Variants in EMC2 observed in about 807,000 individuals in gnomAD.
The protein encoded by EMC2 is TPR repeat protein 35.
Under a neutral mutation model 51.6 loss-of-function variants are expected in EMC2, and 37 were observed. That is an observed-to-expected ratio of 0.72 (90% CI 0.55 to 0.94). The LOEUF (loss-of-function observed/expected upper bound fraction) is 0.94, where lower values mean the gene tolerates loss of function less well. Ranked by LOEUF, EMC2 falls within the 40% of genes least tolerant of loss-of-function variation. The pLI is 0.00. For missense variants in EMC2, 359 were observed against 350.9 expected (o/e 1.02, Z -0.18); for synonymous variants, 131 against 112.4 (o/e 1.17, Z -1.04).
intron 9 of EMC2, among the ~76,000 whole-genome samples, chr8:108,477,619 A>C (rs1810969990): frequency 6.6e-6 from 1 of 152,086 alleles, no homozygotes; most frequent in African/African-American, 2.4e-5. Flanking sequence ...AAAATGAAAC[A>C]ATTTTTAAAA....
intron 5 of EMC2, among the ~76,000 whole-genome samples, chr8:108,467,535 G>A (rs1810755023): frequency 6.6e-6 from 1 of 151,522 alleles, no homozygotes. Flanking sequence ...TTGATTTGTG[G>A]CATTTGTATG....
intron 5 of EMC2, among the ~76,000 whole-genome samples, chr8:108,461,349 G>C (rs1474169802): frequency 6.6e-6 from 1 of 152,180 alleles, no homozygotes; most frequent in Non-Finnish European, 1.5e-5. Flanking sequence ...AGTGTGCATG[G>C]TAGTGAGAAC....
At chr8:108,476,554 A>G (rs1275462290) in intron 8 of EMC2, among the ~76,000 whole-genome samples, 1 of 151,908 alleles carries the variant, frequency 6.6e-6, no homozygotes, top group Non-Finnish European at 1.5e-5. Flanking sequence ...TGTTTTAGAA[A>G]CTACTCAGTC....
In EMC2 at chr8:108,444,656, T is replaced by C. The variant is rs548727836; in HGVS notation, c.40+958T>C. Among the ~76,000 whole-genome samples the C allele has an allele frequency of 3.3e-5, 5 of 152,366 alleles. No individual in the cohort carries two copies. In the South Asian group the frequency reaches 1.0e-3, roughly 32 times the overall value. On this transcript the variant is annotated intron_variant, in intron 1 of 10. Transcript: ENST00000220853. ...TCGTGAATAAATATATCAGTTATTA[T>C]AAAGTTGTAAATCCGTTACAAATAA...
chr8:108,467,375 G>A (rs1376115571), intron 5 of EMC2, among the ~76,000 whole-genome samples: 3 of 150,976 alleles, frequency 2.0e-5, no homozygotes, highest in African/African-American at 7.3e-5. Context: ...TTGAGACCGA[G>A]TCTCGCTCTG....
At chr8:108,460,774 A>G (rs1015770336) in intron 5 of EMC2, among the ~76,000 whole-genome samples, 5 of 152,228 alleles carry the variant, frequency 3.3e-5, no homozygotes, top group South Asian at 2.1e-4. Flanking sequence ...CCCTGTAGTA[A>G]CTAAATCCCT....
chr8:108,485,454 CATAT>C (rs924628934), intron 10 of EMC2, among the ~76,000 whole-genome samples: 2 of 142,632 alleles, frequency 1.4e-5, no homozygotes, highest in African/African-American at 2.6e-5. Flanking sequence ...AATATATATA[CATAT>C]ATATAATATA....
At chr8:108,483,645 T>C (rs1364618401) in intron 10 of EMC2, among the ~76,000 whole-genome samples, 1 of 152,232 alleles carries the variant, frequency 6.6e-6, no homozygotes, top group African/African-American at 2.4e-5. Context: ...ATCTCAGTTA[T>C]TACAATGCAT....
chr8:108,481,169 T>C (rs970304909), intron 10 of EMC2, among the ~76,000 whole-genome samples: 6 of 152,104 alleles, frequency 3.9e-5, no homozygotes, highest in Non-Finnish European at 8.8e-5. Context: ...TGGGTTCTGT[T>C]ATGTTGGTTT....
At chr8:108,443,765 T>C in intron 1 of EMC2, 67 bp downstream of exon 1, 1 of 1,404,644 alleles carries the variant, frequency 7.1e-7, no homozygotes, top group Non-Finnish European at 9.9e-7. Context: ...GAGTACCCGC[T>C]GCTTTCGGGG....
chr8:108,476,013 G>A (rs777766130), intron 8 of EMC2, 50 bp downstream of exon 8: 16 of 1,017,628 alleles, frequency 1.6e-5, no homozygotes, highest in African/African-American at 8.3e-5. Flanking sequence ...GTTACTATTC[G>A]GTGTTATTAT....
At chr8:108,458,701 T>A (rs942338755) in intron 5 of EMC2, among the ~76,000 whole-genome samples, 3 of 152,046 alleles carry the variant, frequency 2.0e-5, no homozygotes, top group Non-Finnish European at 4.4e-5. Flanking sequence ...TACCTTTTCC[T>A]CCTAGGACTC....
At chr8:108,466,182 TAC>T (rs1193109179) in intron 5 of EMC2, among the ~76,000 whole-genome samples, 1 of 152,134 alleles carries the variant, frequency 6.6e-6, no homozygotes, top group African/African-American at 2.4e-5. Context: ...TCTGGATAGG[TAC>T]TTTGATTTCA....
chr8:108,451,675 C>CA (rs1819025488), intron 3 of EMC2, among the ~76,000 whole-genome samples: 2 of 107,976 alleles, frequency 1.9e-5, no homozygotes, highest in Admixed American at 9.4e-5. Context: ...TAGAGGTGAC[C>CA]GTTTTATGTC....
At chr8:108,482,659 A>G (rs1811064330) in intron 10 of EMC2, among the ~76,000 whole-genome samples, 1 of 151,970 alleles carries the variant, frequency 6.6e-6, no homozygotes, top group South Asian at 2.1e-4. Context: ...ATCATGGCTC[A>G]CTACACCCTC....
chr8:108,448,058 A>G (rs988494185), intron 1 of EMC2, among the ~76,000 whole-genome samples: 3 of 152,098 alleles, frequency 2.0e-5, no homozygotes, highest in African/African-American at 7.2e-5. Flanking sequence ...GTTGGGTGAA[A>G]GACAATAGTG....
intron 5 of EMC2, among the ~76,000 whole-genome samples, chr8:108,467,379 C>T (rs754045183): frequency 2.2e-4 from 33 of 151,346 alleles, no homozygotes; most frequent in Non-Finnish European, 4.1e-4. Context: ...GACCGAGTCT[C>T]GCTCTGTCGC....
chr8:108,480,156 T>C (rs1811020956), intron 10 of EMC2, among the ~76,000 whole-genome samples: 1 of 152,152 alleles, frequency 6.6e-6, no homozygotes, highest in African/African-American at 2.4e-5. Flanking sequence ...TATTTTTTTC[T>C]CTGCTTAGTT....
intron 2 of EMC2, 138 bp from the exon 3 acceptor site, chr8:108,450,290 T>A: frequency 1.6e-6 from 1 of 641,574 alleles, no homozygotes; most frequent in East Asian, 2.7e-5. Flanking sequence ...CATTCTTAGT[T>A]TCAGAGATAA....
Sources: allele counts gnomAD v4.1 joint callset (sites outside exome capture counted in the v4.1 genomes callset), GRCh38; gene constraint gnomAD v4.1.1; transcripts MANE v1.5; gene names NCBI Gene and HGNC (gene_info 2026-07-23, HGNC 2026-07-21).